The following GRIK2 variants were observed in gnomAD, a reference collection of about 807,000 sequenced individuals.
The protein encoded by GRIK2 is glutamate receptor ionotropic, kainate 2.
In GRIK2, 32 loss-of-function variants were observed where a neutral mutation model predicts 100.3. The ratio of observed to expected loss-of-function variants is 0.32; its 90% CI spans 0.24 to 0.43. The LOEUF is 0.43. GRIK2 is among the 20% of genes least tolerant of loss of function. GRIK2 has a pLI of 1.00. For missense variants in GRIK2, 843 were observed against 1,114.9 expected (o/e 0.76, Z 3.47); for synonymous variants, 417 against 389.4 (o/e 1.07, Z -0.83).
chr6:101,430,961 A>G (rs1444157373), intron 2 of GRIK2: 1 of 301,746 alleles, frequency 3.3e-6, no homozygotes, highest in Non-Finnish European at 6.8e-6. Flanking sequence ...CATAGCCCTC[A>G]AAGATGGCAC....
At chr6:101,968,417 G>A (rs899150400) in intron 14 of GRIK2, among the ~76,000 whole-genome samples, 4 of 151,870 alleles carry the variant, frequency 2.6e-5, no homozygotes, top group Non-Finnish European at 4.4e-5. Flanking sequence ...AGAATAATTT[G>A]CATTAGTGTC....
chr6:102,007,963 G>A (rs1380278197), intron 14 of GRIK2, among the ~76,000 whole-genome samples: 4 of 152,036 alleles, frequency 2.6e-5, no homozygotes, highest in African/African-American at 7.2e-5. Flanking sequence ...TAAACTGATG[G>A]TCTTACCAAG....
chr6:101,710,974 T>C (rs1773655748), intron 7 of GRIK2, among the ~76,000 whole-genome samples: 1 of 151,822 alleles, frequency 6.6e-6, no homozygotes, highest in African/African-American at 2.4e-5. Flanking sequence ...ATTAGTAGCA[T>C]TGAAGTTGTT....
At chr6:101,845,003 T>TTGC (rs35372863) in intron 10 of GRIK2, among the ~76,000 whole-genome samples, 1 of 109,718 alleles carries the variant, frequency 9.1e-6, no homozygotes, top group East Asian at 1.5e-3. Flanking sequence ...CATTGTTTGT[T>TTGC]TGTTGTTGTT....
intron 14 of GRIK2, among the ~76,000 whole-genome samples, chr6:102,026,860 C>T (rs1769731128): frequency 6.6e-6 from 1 of 151,208 alleles, no homozygotes; most frequent in African/African-American, 2.4e-5. Context: ...TTTCAGATCA[C>T]TGCACTGGAC....
intron 2 of GRIK2, among the ~76,000 whole-genome samples, chr6:101,455,809 C>T (rs1030053044): frequency 1.3e-5 from 2 of 151,912 alleles, no homozygotes; most frequent in Admixed American, 6.6e-5. Flanking sequence ...GAGAAAATAA[C>T]GGTATTTATG....
At chr6:101,744,108 A>G (rs1776224493) in intron 7 of GRIK2, among the ~76,000 whole-genome samples, 2 of 151,840 alleles carry the variant, frequency 1.3e-5, no homozygotes, top group Non-Finnish European at 2.9e-5. Context: ...ACGCCCGGCT[A>G]ATTTTTTGTG....
chr6:101,474,049 C>T (rs1203750322), intron 2 of GRIK2, among the ~76,000 whole-genome samples: 4 of 151,750 alleles, frequency 2.6e-5, no homozygotes, highest in African/African-American at 9.7e-5. Context: ...CACTGACCTA[C>T]CAATGAATCC....
intron 3 of GRIK2, among the ~76,000 whole-genome samples, chr6:101,622,911 T>C (rs1780231586): frequency 1.3e-5 from 2 of 151,998 alleles, no homozygotes; most frequent in Admixed American, 6.5e-5. Flanking sequence ...TTCTATAGTC[T>C]TATGTGGGTG....
At chr6:102,002,447 A>G (rs1162413088) in intron 14 of GRIK2, among the ~76,000 whole-genome samples, 2 of 149,038 alleles carry the variant, frequency 1.3e-5, no homozygotes, top group South Asian at 2.1e-4. Flanking sequence ...ACATATATGT[A>G]TATATAATTA....
At chr6:102,044,719 T>C (rs1770787470) in intron 15 of GRIK2, among the ~76,000 whole-genome samples, 1 of 151,948 alleles carries the variant, frequency 6.6e-6, no homozygotes, top group Non-Finnish European at 1.5e-5. Flanking sequence ...CCATATCATT[T>C]CCTTTCTGAA....
At chr6:101,595,869 C>T (rs1056077433) in intron 2 of GRIK2, among the ~76,000 whole-genome samples, 5 of 150,750 alleles carry the variant, frequency 3.3e-5, no homozygotes, top group African/African-American at 7.3e-5. Context: ...TTCTGACTTT[C>T]TTCTATACCA....
intron 7 of GRIK2, among the ~76,000 whole-genome samples, chr6:101,709,602 A>G (rs1773563503): frequency 6.6e-6 from 1 of 151,844 alleles, no homozygotes; most frequent in African/African-American, 2.4e-5. Context: ...ACTTTGTTTT[A>G]TAAAAGGATT....
chr6:102,038,365 T>C lies in GRIK2; in HGVS notation c.2311+2799T>C, dbSNP rs552523121. ...GTTTTAGTATCATTTCTGAAAGGAG[T>C]GAGACTCATATATTACTACCATTTT... is the stretch of plus-strand genomic sequence containing the variant. On this transcript the variant is annotated intron_variant, in intron 15 of 16. Transcript: ENST00000369134. Among the ~76,000 whole-genome samples the C allele has an allele frequency of 3.3e-5, 5 of 151,388 alleles. No homozygotes were observed. In the East Asian group the frequency reaches 7.8e-4, roughly 24 times the overall value.
chr6:101,444,215 G>A (rs1224482573), intron 2 of GRIK2, among the ~76,000 whole-genome samples: 2 of 151,750 alleles, frequency 1.3e-5, no homozygotes, highest in African/African-American at 2.4e-5. Context: ...CACCACATCC[G>A]ACTCATCTTA....
intron 3 of GRIK2, among the ~76,000 whole-genome samples, chr6:101,625,421 T>TAAATAA (rs879423849): frequency 7.0e-6 from 1 of 142,316 alleles, no homozygotes; most frequent in Non-Finnish European, 1.6e-5. Flanking sequence ...TAAATAAATA[T>TAAATAA]GAAGTGGGTA....
intron 4 of GRIK2, among the ~76,000 whole-genome samples, chr6:101,631,341 TCAG>T (rs1039818049): frequency 6.6e-6 from 1 of 152,140 alleles, no homozygotes; most frequent in African/African-American, 2.4e-5. Context: ...TGTTTATAGA[TCAG>T]CAGTCCATTA....
intron 4 of GRIK2, among the ~76,000 whole-genome samples, chr6:101,671,477 T>G (rs549486026): frequency 6.6e-6 from 1 of 152,284 alleles, no homozygotes; most frequent in South Asian, 2.1e-4. Context: ...AGCTAGATTT[T>G]CACATCTGCT....
At chr6:101,595,694 ATATATG>A (rs1778886075) in intron 2 of GRIK2, among the ~76,000 whole-genome samples, 1 of 95,094 alleles carries the variant, frequency 1.1e-5, no homozygotes, top group Admixed American at 1.1e-4. Context: ...GCATGTATAT[ATATATG>A]TGTGTGTGTG....
Sources: allele counts gnomAD v4.1 joint callset (sites outside exome capture counted in the v4.1 genomes callset), GRCh38; gene constraint gnomAD v4.1.1; transcripts MANE v1.5; gene names NCBI Gene and HGNC (gene_info 2026-07-23, HGNC 2026-07-21).